Variants in CSMD1 observed in about 807,000 individuals in gnomAD.
CSMD1 encodes the protein CUB and sushi domain-containing protein 1.
CSMD1 carries 213 observed loss-of-function variants against 417.5 expected under a neutral mutation model. The observed-to-expected ratio is 0.51, with a 90% CI of 0.46 to 0.57. The LOEUF (loss-of-function observed/expected upper bound fraction) is 0.57, where lower values mean the gene tolerates loss of function less well. CSMD1 is among the 20% of genes least tolerant of loss of function. CSMD1 has a pLI of 0.00. For missense variants in CSMD1, 6,923 were observed against 4,529.7 expected (o/e 1.53, Z -15.17); for synonymous variants, 2,862 against 1,736.8 (o/e 1.65, Z -16.11).
intron 56 of CSMD1, among the ~76,000 whole-genome samples, chr8:2,973,555 C>T (rs1473413887): frequency 6.6e-6 from 1 of 151,896 alleles, no homozygotes; most frequent in African/African-American, 2.4e-5. Flanking sequence ...AACGACGTTT[C>T]CTTTGGAAGG....
chr8:4,817,525 C>T (rs1481324738), intron 1 of CSMD1, among the ~76,000 whole-genome samples: 1 of 152,166 alleles, frequency 6.6e-6, no homozygotes, highest in Non-Finnish European at 1.5e-5. Flanking sequence ...AGGCAAAAGG[C>T]CAAGACACTA....
intron 3 of CSMD1, among the ~76,000 whole-genome samples, chr8:4,118,584 G>A (rs1216233848): frequency 6.6e-6 from 1 of 152,150 alleles, no homozygotes; most frequent in Non-Finnish European, 1.5e-5. Context: ...GAAAAAGTAA[G>A]GAAACAATAG....
At chr8:3,276,579 C>T (rs908648651) in intron 26 of CSMD1, among the ~76,000 whole-genome samples, 2 of 152,118 alleles carry the variant, frequency 1.3e-5, no homozygotes, top group East Asian at 1.9e-4. Flanking sequence ...CCACTGGGTC[C>T]CTCCCATGAT....
intron 1 of CSMD1, among the ~76,000 whole-genome samples, chr8:4,805,842 A>C (rs1798557240): frequency 6.6e-6 from 1 of 152,162 alleles, no homozygotes; most frequent in Admixed American, 6.5e-5. Flanking sequence ...GTGGAAGCTC[A>C]TTGTGGGATG....
chr8:3,262,409 C>G (rs1444806465), intron 26 of CSMD1, among the ~76,000 whole-genome samples: 3 of 150,654 alleles, frequency 2.0e-5, no homozygotes, highest in Admixed American at 2.0e-4. Flanking sequence ...TCAGCATCAC[C>G]CATTGCTGGG....
chr8:4,090,986 C>G (rs1031519768), intron 3 of CSMD1, among the ~76,000 whole-genome samples: 135 of 151,412 alleles, frequency 8.9e-4, no homozygotes, highest in African/African-American at 3.2e-3. Context: ...CGGTGCAATC[C>G]TGGCTCACTG....
In CSMD1 at chr8:4,313,266, T is replaced by C. The variant is rs370399972; in HGVS notation, c.415+106687A>G. Reference sequence around the variant, plus strand: ...GGCTAAATTTTCAGTCACTTTCCTCTAGTGCCCCAGGAAGAGAATGCGAAG... The same window carrying C: ...GGCTAAATTTTCAGTCACTTTCCTCCAGTGCCCCAGGAAGAGAATGCGAAG... On this transcript the variant is annotated intron_variant, in intron 3 of 69. Transcript: ENST00000635120. Among the ~76,000 whole-genome samples, 21 of 152,214 alleles carry C rather than the reference T, an allele frequency of 1.4e-4. No individual in the cohort carries two copies. In the East Asian group the frequency reaches 3.5e-3, roughly 25 times the overall value.
chr8:3,567,338 T>C (rs578151579), intron 10 of CSMD1, among the ~76,000 whole-genome samples: 1 of 151,930 alleles, frequency 6.6e-6, no homozygotes, highest in East Asian at 1.9e-4. Context: ...AATACCTGGG[T>C]GATGAATCTG....
At chr8:4,919,413 A>T (rs935051815) in intron 1 of CSMD1, among the ~76,000 whole-genome samples, 2 of 152,144 alleles carry the variant, frequency 1.3e-5, no homozygotes, top group Non-Finnish European at 2.9e-5. Flanking sequence ...ATATGACCAA[A>T]ATTTCCAATA....
At chr8:3,058,162 C>A (rs1471993036) in intron 49 of CSMD1, among the ~76,000 whole-genome samples, 1 of 152,132 alleles carries the variant, frequency 6.6e-6, no homozygotes, top group Non-Finnish European at 1.5e-5. Context: ...CTATTGTGTG[C>A]AACTGTTTGT....
At chr8:4,169,615 A>C (rs928036015) in intron 3 of CSMD1, among the ~76,000 whole-genome samples, 1 of 152,104 alleles carries the variant, frequency 6.6e-6, no homozygotes, top group African/African-American at 2.4e-5. Context: ...AATATGAGAA[A>C]AAGTGCATCA....
intron 3 of CSMD1, among the ~76,000 whole-genome samples, chr8:4,300,397 C>G (rs1216873151): frequency 6.6e-6 from 1 of 152,138 alleles, no homozygotes; most frequent in Non-Finnish European, 1.5e-5. Context: ...CCATCAACCT[C>G]AAGACACTTT....
intron 2 of CSMD1, among the ~76,000 whole-genome samples, chr8:4,452,633 G>A (rs1487564528): frequency 1.3e-5 from 2 of 151,780 alleles, no homozygotes; most frequent in Non-Finnish European, 1.5e-5. Flanking sequence ...AGTGCACAAT[G>A]AAAAATTCTT....
intron 1 of CSMD1, among the ~76,000 whole-genome samples, chr8:4,972,215 A>T (rs947318110): frequency 6.6e-6 from 1 of 152,082 alleles, no homozygotes; most frequent in Non-Finnish European, 1.5e-5. Context: ...AAAGATGGAA[A>T]TTTTTGTGTC....
chr8:3,247,587 C>G (rs1404634669), intron 26 of CSMD1, among the ~76,000 whole-genome samples: 4 of 152,158 alleles, frequency 2.6e-5, no homozygotes, highest in African/African-American at 9.7e-5. Flanking sequence ...CCAGGACATT[C>G]TCCCTTCCCT....
intron 50 of CSMD1, among the ~76,000 whole-genome samples, chr8:3,045,513 T>C (rs1244079945): frequency 6.6e-6 from 1 of 152,158 alleles, no homozygotes; most frequent in South Asian, 2.1e-4. Flanking sequence ...TTATTCCTGA[T>C]TTTTCCAGAA....
At chr8:4,446,408 G>C (rs941718823) in intron 2 of CSMD1, among the ~76,000 whole-genome samples, 2 of 152,108 alleles carry the variant, frequency 1.3e-5, no homozygotes, top group Non-Finnish European at 1.5e-5. Context: ...AGTAGCCATG[G>C]GTGGTGGTGC....
chr8:3,908,484 A>G (rs1276753441), intron 5 of CSMD1, among the ~76,000 whole-genome samples: 2 of 152,192 alleles, frequency 1.3e-5, no homozygotes, highest in African/African-American at 4.8e-5. Flanking sequence ...TTACACATCC[A>G]GTATCCCCTG....
chr8:3,241,072 G>T (rs59523033), intron 26 of CSMD1, among the ~76,000 whole-genome samples: 3 of 148,436 alleles, frequency 2.0e-5, no homozygotes, highest in Non-Finnish European at 4.5e-5. Context: ...AAGGTGAGGG[G>T]ATACAAGAGG....
Sources: gnomAD v4.1 joint callset for allele counts (sites outside exome capture counted in the v4.1 genomes callset) on GRCh38, gnomAD v4.1.1 for gene constraint, MANE v1.5 for transcripts, NCBI Gene and HGNC (gene_info 2026-07-23, HGNC 2026-07-21) for gene names.